ANKIB1: variants seen among roughly 807,000 people sequenced by gnomAD.
The protein encoded by ANKIB1 is ankyrin repeat and IBR domain-containing protein 1.
In ANKIB1, 43 loss-of-function variants were observed where a neutral mutation model predicts 122.1. The ratio of observed to expected loss-of-function variants is 0.35; its 90% CI spans 0.28 to 0.45. ANKIB1 has a LOEUF of 0.45. Among genes scored for constraint, ANKIB1 ranks in the 20% least tolerant of loss-of-function variants. The pLI is 1.00. For missense variants in ANKIB1, 992 were observed against 1,329.5 expected (o/e 0.75, Z 3.95); for synonymous variants, 390 against 442.0 (o/e 0.88, Z 1.48).
chr7:92,326,994 A>G (rs1393327355), intron 4 of ANKIB1, among the ~76,000 whole-genome samples: 1 of 152,180 alleles, frequency 6.6e-6, no homozygotes, highest in African/African-American at 2.4e-5. Flanking sequence ...TTACATTGAT[A>G]GAATACCCAA....
chr7:92,252,628 A>G (rs1801350923), intron 1 of ANKIB1, among the ~76,000 whole-genome samples: 1 of 152,146 alleles, frequency 6.6e-6, no homozygotes, highest in South Asian at 2.1e-4. Flanking sequence ...GTAAAGACTC[A>G]TGGATTTCAA....
chr7:92,330,135 T>A (rs531688103), intron 5 of ANKIB1, among the ~76,000 whole-genome samples: 66 of 152,354 alleles, frequency 4.3e-4, no homozygotes, highest in Non-Finnish European at 5.9e-4. Flanking sequence ...TTCCTGAGTG[T>A]GTCTTCCGAA....
chr7:92,357,532 C>T (rs185612861), intron 9 of ANKIB1, among the ~76,000 whole-genome samples: 13 of 152,028 alleles, frequency 8.6e-5, no homozygotes, highest in African/African-American at 2.9e-4. Flanking sequence ...CCCAGGAATT[C>T]GAAACCAGCC....
intron 3 of ANKIB1, among the ~76,000 whole-genome samples, chr7:92,308,220 C>G (rs1322524010): frequency 6.6e-6 from 1 of 151,952 alleles, no homozygotes; most frequent in Non-Finnish European, 1.5e-5. Flanking sequence ...AGAGAGAAAG[C>G]CTCACAGGTG....
At position 92,295,181 on chromosome 7, in the gene ANKIB1, A is replaced by G. The variant is rs1191169492; in HGVS notation, c.188+15A>G. 4 of 1,514,582 alleles carry G rather than the reference A, an allele frequency of 2.6e-6. No individual in the cohort carries two copies. The South Asian group carries it at 5.1e-5, about 19-fold the overall frequency. 93.8% of individuals were successfully genotyped at this position (1,514,582 alleles called of 1,614,324 possible). Reference sequence around the variant, plus strand: ...AAAATATTAGGGTAAGTATTACTATAAACTAATTGGTATTAGGGTATTACC... The same window carrying G: ...AAAATATTAGGGTAAGTATTACTATGAACTAATTGGTATTAGGGTATTACC... On this transcript the variant is annotated intron_variant, in intron 2 of 19. Coordinates refer to ENST00000265742, the MANE Select transcript of ANKIB1 (RefSeq NM_019004.2).
At chr7:92,324,580 T>C (rs538663836) in intron 4 of ANKIB1, among the ~76,000 whole-genome samples, 1 of 152,308 alleles carries the variant, frequency 6.6e-6, no homozygotes, top group East Asian at 1.9e-4. Context: ...AACTTATATT[T>C]GTACCTTCTA....
At position 92,344,990 on chromosome 7, in the gene ANKIB1, A is replaced by T. The variant is rs1019336748; in HGVS notation, c.1009A>T (p.Met337Leu). Residue 337 changes from methionine (M) to leucine (L), a missense_variant, in exon 7 of 20, where the codon ATG becomes TTG. Physicochemically the swap from Met to Leu is conservative, Grantham distance 15. Transcript: ENST00000265742. ...DLDTSLCDIC[M>L]CSISVFEDPV... ...TCTTCATCTCCAGTGTGACATTTGT[A>T]TGTGCAGTATCTCTGTATTTGAAGA... 1.2e-6 allele frequency: 2 copies of T among 1,610,680 alleles called. No homozygotes were observed. Among genetic ancestry groups the T allele is most frequent in the Non-Finnish European group, 8.5e-7 (1 of 1,177,612 alleles).
intron 11 of ANKIB1, among the ~76,000 whole-genome samples, chr7:92,381,724 A>G (rs1804519950): frequency 6.6e-6 from 1 of 152,218 alleles, no homozygotes; most frequent in Non-Finnish European, 1.5e-5. Flanking sequence ...CCTGCCTTAT[A>G]AGAGCTCCTA....
At chr7:92,393,597 G>T (rs963003811) in intron 17 of ANKIB1, among the ~76,000 whole-genome samples, 21 of 152,074 alleles carry the variant, frequency 1.4e-4, no homozygotes, top group Admixed American at 8.5e-4. Flanking sequence ...AAGCATGTAT[G>T]TGTATCATCT....
At chr7:92,351,158 CATT>C (rs1248217672) in intron 8 of ANKIB1, 64 bp downstream of exon 8, 4 of 1,258,086 alleles carry the variant, frequency 3.2e-6, no homozygotes, top group East Asian at 2.9e-5. Context: ...ACCTTTATAA[CATT>C]ATTTTTTCTT....
At chr7:92,284,445 T>C (rs777665298) in intron 1 of ANKIB1, among the ~76,000 whole-genome samples, 4 of 152,260 alleles carry the variant, frequency 2.6e-5, no homozygotes, top group Non-Finnish European at 5.9e-5. Context: ...ACTACACCAG[T>C]TTCATCTTAC....
At chr7:92,260,149 T>C (rs1249750628) in intron 1 of ANKIB1, among the ~76,000 whole-genome samples, 1 of 152,036 alleles carries the variant, frequency 6.6e-6, no homozygotes, top group Non-Finnish European at 1.5e-5. Flanking sequence ...AAAAAGGTAG[T>C]GATTTACAGT....
chr7:92,321,841 G>C (rs1802919151), intron 4 of ANKIB1, among the ~76,000 whole-genome samples: 1 of 152,110 alleles, frequency 6.6e-6, no homozygotes, highest in Non-Finnish European at 1.5e-5. Flanking sequence ...TTATTTTATA[G>C]GCAAGCTTAT....
intron 1 of ANKIB1, among the ~76,000 whole-genome samples, chr7:92,258,011 T>C (rs1309298377): frequency 6.6e-6 from 1 of 152,204 alleles, no homozygotes; most frequent in Non-Finnish European, 1.5e-5. Context: ...TCTTTCTTGC[T>C]CTGAAATGTG....
chr7:92,349,151 G>C (rs1356451940), intron 7 of ANKIB1, among the ~76,000 whole-genome samples: 1 of 152,228 alleles, frequency 6.6e-6, no homozygotes, highest in Non-Finnish European at 1.5e-5. Flanking sequence ...GTAAAAGAGA[G>C]AAAGGATAGG....
intron 5 of ANKIB1, among the ~76,000 whole-genome samples, chr7:92,341,717 CAGAT>C (rs1334771426): frequency 6.6e-6 from 1 of 152,174 alleles, no homozygotes; most frequent in Non-Finnish European, 1.5e-5. Context: ...TGTATATACA[CAGAT>C]AGTCCCTGAC....
At chr7:92,259,007 A>G (rs1467068028) in intron 1 of ANKIB1, among the ~76,000 whole-genome samples, 1 of 152,066 alleles carries the variant, frequency 6.6e-6, no homozygotes, top group Non-Finnish European at 1.5e-5. Context: ...AGGTTGGAGT[A>G]CAGTGGCGCG....
intron 2 of ANKIB1, among the ~76,000 whole-genome samples, chr7:92,296,281 G>C (rs1802354512): frequency 6.6e-6 from 1 of 151,688 alleles, no homozygotes; most frequent in East Asian, 1.9e-4. Flanking sequence ...GGAGTGTAGT[G>C]GTGTGATCAT....
intron 9 of ANKIB1, among the ~76,000 whole-genome samples, chr7:92,353,264 G>A: frequency 6.6e-6 from 1 of 152,076 alleles, no homozygotes; most frequent in East Asian, 1.9e-4. Context: ...ATGACTGCAG[G>A]CTCGTTGTTT....
Sources: allele counts gnomAD v4.1 joint callset (sites outside exome capture counted in the v4.1 genomes callset), GRCh38; gene constraint gnomAD v4.1.1; transcripts MANE v1.5; gene names NCBI Gene and HGNC (gene_info 2026-07-23, HGNC 2026-07-21).